The following PAQR3 variants were observed in gnomAD, a reference collection of about 807,000 sequenced individuals.
The protein encoded by PAQR3 is progestin and adipoQ receptor family member 3, also known as Raf kinase trapping to Golgi.
PAQR3 carries 39 observed loss-of-function variants against 41.7 expected under a neutral mutation model. The ratio of observed to expected loss-of-function variants is 0.93; its 90% CI spans 0.72 to 1.22. The LOEUF (loss-of-function observed/expected upper bound fraction) is 1.22. Among genes scored for constraint, PAQR3 ranks in the 50% most tolerant of loss-of-function variants. The pLI, the probability that PAQR3 is intolerant of heterozygous loss-of-function variation, is 0.00. For synonymous variants in PAQR3, 140 were observed against 140.6 expected, an observed-to-expected ratio of 1.00 and a Z score of 0.03; for missense variants, 366 against 385.6, an observed-to-expected ratio of 0.95 and a Z score of 0.42.
At chr4:78,937,587 T>C (rs1025541882) in intron 1 of PAQR3, among the ~76,000 whole-genome samples, 1 of 152,208 alleles carries the variant, frequency 6.6e-6, no homozygotes, top group African/African-American at 2.4e-5. Flanking sequence ...AGGCCATGTA[T>C]AGCATTTCAC....
chr4:78,910,848 G>A (rs1734550045), downstream of PAQR3: 4 of 1,613,948 alleles, frequency 2.5e-6, no homozygotes, highest in Non-Finnish European at 1.7e-6. Context: ...TTCTTCAGGG[G>A]GAACAAGGAG....
In PAQR3 at chr4:78,917,864, A is replaced by C; in HGVS notation, c.*2675T>G. On this transcript the variant is annotated 3_prime_UTR_variant, in exon 6 of 6. Transcript: ENST00000512733. ...CATAAGATGTGACAGACATTCCCTG[A>C]ATCTTCGTTCCTGATTCTAAAATAT... 1.0e-6 allele frequency: 1 copy of C among 985,530 alleles called. No individual in the cohort carries two copies. Among genetic ancestry groups the C allele is most frequent in the African/African-American group, 1.7e-5 (1 of 57,330 alleles). 61.0% of individuals were successfully genotyped at this position (985,530 alleles called of 1,614,324 possible).
rs1735497074 is a variant in PAQR3 at position 78,919,980 on chromosome 4, G to A, written c.*559C>T. ...AAAACTAAAATATCTAATGTTCTTAGGGAGAGAAGAACCTATAGCTAAAGG... is the reference window on the plus strand; with the variant it reads ...AAAACTAAAATATCTAATGTTCTTAAGGAGAGAAGAACCTATAGCTAAAGG... On this transcript the variant is annotated 3_prime_UTR_variant, in exon 6 of 6. Transcript: ENST00000512733. The A allele has an allele frequency of 1.0e-6, 1 of 984,924 alleles. No homozygotes were observed. The highest frequency in any genetic ancestry group is 1.8e-5 in the African/African-American group (1 of 57,140). The allele number at this position is 984,924 out of a possible 1,614,324, so 61.0% of individuals were successfully genotyped here.
rs1180838966 is a variant in PAQR3 at position 78,939,372 on chromosome 4, G to T, written c.-148C>A. The T allele has an allele frequency of 3.5e-6, 2 of 572,398 alleles. No individual in the cohort carries two copies. The highest frequency in any genetic ancestry group is 2.5e-6 in the Non-Finnish European group (1 of 397,604). The allele number at this position is 572,398 out of a possible 1,614,324, so 35.5% of individuals were successfully genotyped here. A position where few individuals can be genotyped will look rare whatever the true frequency, so the allele number is the denominator to read the frequency against. On this transcript the variant is annotated 5_prime_UTR_variant, in exon 1 of 6. Transcript: ENST00000512733. ...CGCTGCCGCTGCTGCCCAGGGCCCG[G>T]CTCTGCGCTCACACCGGCCACTGCC...
downstream of PAQR3, among the ~76,000 whole-genome samples, chr4:78,907,915 T>A (rs935121511): frequency 2.0e-5 from 3 of 152,208 alleles, no homozygotes; most frequent in African/African-American, 7.2e-5. Context: ...GTTAAACGTT[T>A]CACAGTCAGG....
chr4:78,919,703 G>T lies in PAQR3; in HGVS notation c.*836C>A. 1.0e-6 allele frequency: 1 copy of T among 985,044 alleles called. No individual in the cohort carries two copies. The highest frequency in any genetic ancestry group is 1.2e-6 in the Non-Finnish European group (1 of 829,722). 61.0% of individuals were successfully genotyped at this position (985,044 alleles called of 1,614,324 possible). ...TTCAGGACTACAAATTCAGAGAGTT[G>T]AAAGCTCTGGAATTTTGGGATCAAA... On this transcript the variant is annotated 3_prime_UTR_variant, in exon 6 of 6. Coordinates refer to ENST00000512733, the MANE Select transcript of PAQR3 (RefSeq NM_001040202.2).
intron 11 of PAQR3, among the ~76,000 whole-genome samples, chr4:78,892,222 T>G (rs1340825434): frequency 1.3e-5 from 2 of 152,210 alleles, no homozygotes; most frequent in African/African-American, 4.8e-5. Context: ...CAAGTTACCT[T>G]TGTGAAAAGG....
intron 11 of PAQR3, among the ~76,000 whole-genome samples, chr4:78,892,714 A>AT (rs1018798495): frequency 1.3e-4 from 20 of 152,314 alleles, no homozygotes; most frequent in Admixed American, 1.2e-3. Flanking sequence ...AGGGACACAC[A>AT]TTTTTTTGTT....
chr4:78,911,706 A>T, downstream of PAQR3: 1 of 1,613,966 alleles, frequency 6.2e-7, no homozygotes, highest in Non-Finnish European at 8.5e-7. Flanking sequence ...CTGATGGGAA[A>T]GATAGGGGGA....
Position 78,916,077 on chromosome 4 carries a change from A to T in PAQR3, c.*4462T>A, listed in dbSNP as rs1735032720. ...TTTATTGTATTTCTACTTGTTACAA[A>T]ACATACTTGCTAAAGTAACTTCAGT... On this transcript the variant is annotated 3_prime_UTR_variant, in exon 6 of 6. Coordinates refer to ENST00000512733, the MANE Select transcript of PAQR3 (RefSeq NM_001040202.2). 6.6e-6 allele frequency: 1 copy of T among 151,944 alleles called. No homozygotes were observed. 9.4% of individuals were successfully genotyped at this position (151,944 alleles called of 1,614,324 possible).
intron 3 of PAQR3, among the ~76,000 whole-genome samples, chr4:78,928,973 G>A (rs889200130): frequency 1.3e-5 from 2 of 152,204 alleles, no homozygotes; most frequent in Non-Finnish European, 2.9e-5. Flanking sequence ...AATAGGGTTC[G>A]CGCTGCTGTG....
Position 78,930,183 on chromosome 4 carries a change from A to C in PAQR3, c.491T>G (p.Phe164Cys). Residue 164 changes from phenylalanine to cysteine, a missense_variant, in exon 3 of 6, where the codon TTT (phenylalanine) becomes TGT (cysteine). Transcript: ENST00000512733. ...GCYVSGVFYA[F>C]YCNNYWRQVY... ...TCATCTACTTACGTTATTACAATAA[A>C]ATGCGTAAAATACTCCTGAGACATA... The C allele has an allele frequency of 6.2e-7, 1 of 1,609,856 alleles. No individual in the cohort carries two copies. The highest frequency in any genetic ancestry group is 8.5e-7 in the Non-Finnish European group (1 of 1,178,864).
chr4:78,910,775 A>AT, downstream of PAQR3: 1 of 1,613,872 alleles, frequency 6.2e-7, no homozygotes. Context: ...TCTGAAAGTG[A>AT]TTTTGAATCA....
At position 78,935,210 on chromosome 4, in the gene PAQR3, C is replaced by G; in HGVS notation, c.259G>C (p.Gly87Arg). ...AACACAGATGTCATGTCATATATTCCCAGGGTGAAGAAGAGAAAGAAACCC... is the reference window on the plus strand; with the variant it reads ...AACACAGATGTCATGTCATATATTCGCAGGGTGAAGAAGAGAAAGAAACCC... The part of the protein sequence containing the change: ...LLGFFLFFTL[G>R]IYDMTSVLPS... Residue 87 changes from glycine (G) to arginine (R), a missense_variant, in exon 2 of 6, where the codon GGA becomes CGA. Coordinates refer to ENST00000512733, the MANE Select transcript of PAQR3 (RefSeq NM_001040202.2). The G allele has an allele frequency of 6.2e-7, 1 of 1,613,616 alleles. No individual in the cohort carries two copies. Among genetic ancestry groups the G allele is most frequent in the Non-Finnish European group, 8.5e-7 (1 of 1,179,686 alleles).
chr4:78,926,340 G>A (rs544079769), intron 4 of PAQR3, among the ~76,000 whole-genome samples, 181 bp downstream of exon 4: 7 of 152,054 alleles, frequency 4.6e-5, no homozygotes, highest in East Asian at 1.9e-4. Flanking sequence ...ATTTTACCTC[G>A]ACTTCTGCAA....
intron 11 of PAQR3, among the ~76,000 whole-genome samples, chr4:78,894,962 G>A (rs761547713): frequency 1.3e-5 from 2 of 152,188 alleles, no homozygotes; most frequent in Non-Finnish European, 2.9e-5. Context: ...CAGCTGGTCG[G>A]TAGATCAGTC....
Position 78,915,174 on chromosome 4 carries a change from T to G in PAQR3, c.*5365A>C. The stretch of plus-strand genomic sequence containing the variant: ...CGTGTTGGGTATAGTTACGACATTA[T>G]CCGGATTTGCAAATAGACACAACTT... On this transcript the variant is annotated 3_prime_UTR_variant, in exon 6 of 6. Transcript: ENST00000512733. The G allele has an allele frequency of 6.6e-6, 1 of 152,000 alleles. No homozygotes were observed. 9.4% of individuals were successfully genotyped at this position (152,000 alleles called of 1,614,324 possible).
intron 11 of PAQR3, among the ~76,000 whole-genome samples, chr4:78,890,889 G>A (rs1305747331): frequency 1.3e-5 from 2 of 152,156 alleles, no homozygotes; most frequent in Non-Finnish European, 2.9e-5. Context: ...ATGCATGAGA[G>A]GAAGTTCTAA....
At chr4:78,937,809 C>T (rs1430544843) in intron 1 of PAQR3, among the ~76,000 whole-genome samples, 1 of 152,182 alleles carries the variant, frequency 6.6e-6, no homozygotes, top group Non-Finnish European at 1.5e-5. Context: ...GAGATTTGGA[C>T]CCTAACATCA....
Sources: allele counts gnomAD v4.1 joint callset (sites outside exome capture counted in the v4.1 genomes callset), GRCh38; gene constraint gnomAD v4.1.1; transcripts MANE v1.5; gene names NCBI Gene and HGNC (gene_info 2026-07-23, HGNC 2026-07-21).